Variants in FNDC3B observed in about 807,000 individuals in gnomAD.
FNDC3B encodes fibronectin type III domain containing 3B.
A neutral mutation model predicts 151.5 loss-of-function variants in FNDC3B; 12 were observed. That is an observed-to-expected ratio of 0.08 (90% CI 0.05 to 0.13). The LOEUF is 0.13. Ranked by LOEUF, FNDC3B falls within the 10% of genes least tolerant of loss-of-function variation. The pLI is 1.00. For missense variants in FNDC3B, 1,214 were observed against 1,505.3 expected (o/e 0.81, Z 3.20); for synonymous variants, 528 against 549.0 (o/e 0.96, Z 0.54).
intron 9 of FNDC3B, among the ~76,000 whole-genome samples, chr3:172,304,311 C>G (rs1731082874): frequency 6.6e-6 from 1 of 152,222 alleles, no homozygotes; most frequent in South Asian, 2.1e-4. Flanking sequence ...GCTCTATTAT[C>G]CAGATGGATT....
chr3:172,355,524 G>T (rs370389092), intron 22 of FNDC3B, among the ~76,000 whole-genome samples: 534 of 152,272 alleles, frequency 3.5e-3, no homozygotes, highest in African/African-American at 0.011. Context: ...CTAGGGGGGG[G>T]GCCTAGCACT....
At chr3:172,094,704 T>G (rs752052206) in intron 1 of FNDC3B, among the ~76,000 whole-genome samples, 1 of 151,864 alleles carries the variant, frequency 6.6e-6, no homozygotes, top group African/African-American at 2.4e-5. Flanking sequence ...CTGGAGAAAC[T>G]CTAACCTGAA....
chr3:172,126,787 G>A (rs931760229), intron 2 of FNDC3B, among the ~76,000 whole-genome samples: 3 of 152,170 alleles, frequency 2.0e-5, no homozygotes, highest in Admixed American at 6.5e-5. Flanking sequence ...GCCCTTAATA[G>A]GAAATTTCCA....
At chr3:172,061,331 C>T (rs763657900) in intron 1 of FNDC3B, among the ~76,000 whole-genome samples, 2 of 150,980 alleles carry the variant, frequency 1.3e-5, no homozygotes, top group African/African-American at 2.4e-5. Flanking sequence ...CTCCCGGGTT[C>T]GCACCATTCT....
chr3:172,364,443 G>A (rs1008453252), intron 23 of FNDC3B, among the ~76,000 whole-genome samples: 10 of 152,208 alleles, frequency 6.6e-5, no homozygotes, highest in Non-Finnish European at 2.9e-5. Context: ...GCTGAGTTGG[G>A]ATAAAGGCCA....
intron 3 of FNDC3B, among the ~76,000 whole-genome samples, chr3:172,189,149 T>G (rs1724367746): frequency 6.6e-6 from 1 of 152,238 alleles, no homozygotes; most frequent in Non-Finnish European, 1.5e-5. Context: ...GTCATAATAA[T>G]AGAATATTCA....
At chr3:172,240,508 T>G (rs1001134510) in intron 4 of FNDC3B, among the ~76,000 whole-genome samples, 1 of 152,202 alleles carries the variant, frequency 6.6e-6, no homozygotes, top group African/African-American at 2.4e-5. Context: ...AACTCAGGTA[T>G]CCTAATTCTC....
chr3:172,097,886 G>A (rs981505616), intron 1 of FNDC3B, among the ~76,000 whole-genome samples: 5 of 152,158 alleles, frequency 3.3e-5, no homozygotes, highest in Admixed American at 2.6e-4. Context: ...TCCTTGAGAT[G>A]TATGTATTAC....
At chr3:172,220,597 G>A (rs1726229731) in intron 3 of FNDC3B, among the ~76,000 whole-genome samples, 1 of 152,160 alleles carries the variant, frequency 6.6e-6, no homozygotes, top group East Asian at 1.9e-4. Flanking sequence ...GCAGTGTCAT[G>A]AAGATTTACT....
chr3:172,369,847 AT>A (rs1012642101), intron 23 of FNDC3B, among the ~76,000 whole-genome samples: 25 of 152,082 alleles, frequency 1.6e-4, no homozygotes, highest in African/African-American at 5.1e-4. Flanking sequence ...ATCCATTTCT[AT>A]TTTGAGCACC....
chr3:172,113,568 G>A (rs1021967092), intron 2 of FNDC3B, among the ~76,000 whole-genome samples: 2 of 152,154 alleles, frequency 1.3e-5, no homozygotes, highest in African/African-American at 4.8e-5. Flanking sequence ...CTCAGTAAAT[G>A]TTTGTTAGTT....
At chr3:172,073,418 GA>G (rs1717872696) in intron 1 of FNDC3B, among the ~76,000 whole-genome samples, 1 of 152,330 alleles carries the variant, frequency 6.6e-6, no homozygotes, top group South Asian at 2.1e-4. Flanking sequence ...GACAGCAGGT[GA>G]AACACACTTC....
chr3:172,334,982 C>T lies in FNDC3B; in HGVS notation c.1680C>T (p.Ser560=), dbSNP rs368349311. Residue 560 remains serine, a synonymous_variant, in exon 15 of 26, where the codon AGC becomes AGT. Transcript: ENST00000415807. The stretch of plus-strand genomic sequence containing the variant: ...ATACGGAAGGAAAAAGCTGTCCAAG[C>T]GAAGTTCTTGTTTGTACGACGAGTC... ...ASNTEGKSCP[S]EVLVCTTSPD... 3.0e-5 allele frequency: 48 copies of T among 1,613,606 alleles called. No homozygotes were observed. The highest frequency in any genetic ancestry group is 1.5e-4 in the African/African-American group (11 of 74,882).
At position 172,157,181 on chromosome 3, in the gene FNDC3B, C is replaced by G. The variant is rs543273390; in HGVS notation, c.187+23635C>G. On this transcript the variant is annotated intron_variant, in intron 3 of 25. Coordinates refer to ENST00000415807, the MANE Select transcript of FNDC3B (RefSeq NM_022763.4). ...TAAGCTGCCAGCAAATATTATTTTC[C>G]TTATTTTAAACATGAAGAAACAAAG... 7.2e-5 allele frequency among the ~76,000 whole-genome samples: 11 copies of G among 152,152 alleles called. No homozygotes were observed. In the East Asian group the frequency reaches 2.1e-3, roughly 29 times the overall value.
In FNDC3B at chr3:172,397,256, A is replaced by G; in HGVS notation, c.3396A>G (p.Leu1132=). Residue 1132 remains leucine, a synonymous_variant, in exon 26 of 26, where the codon TTA becomes TTG. Coordinates refer to ENST00000415807, the MANE Select transcript of FNDC3B (RefSeq NM_022763.4). ...RFRVCACRRC[L]DTSQELSGAF... is the part of the protein sequence containing the mutation. ...GCGTATGTGCGTGTCGTCGCTGTTTAGACACCTCTCAGGAGCTAAGCGGAG... is the reference window on the plus strand; with the variant it reads ...GCGTATGTGCGTGTCGTCGCTGTTTGGACACCTCTCAGGAGCTAAGCGGAG... The G allele has an allele frequency of 6.2e-7, 1 of 1,614,228 alleles. No homozygotes were observed. The highest frequency in any genetic ancestry group is 1.7e-5 in the Admixed American group (1 of 60,018).
At chr3:172,292,936 A>G (rs1448872142) in intron 7 of FNDC3B, among the ~76,000 whole-genome samples, 2 of 152,186 alleles carry the variant, frequency 1.3e-5, no homozygotes, top group African/African-American at 4.8e-5. Context: ...GCAGGGATGG[A>G]AAATAGGCAA....
chr3:172,150,114 G>A (rs554065119), intron 3 of FNDC3B, among the ~76,000 whole-genome samples: 1 of 152,226 alleles, frequency 6.6e-6, no homozygotes, highest in Non-Finnish European at 1.5e-5. Context: ...ACCACGCCCA[G>A]CCATGTCGGG....
intron 3 of FNDC3B, among the ~76,000 whole-genome samples, chr3:172,187,996 G>GTTTTT (rs35110477): frequency 2.2e-5 from 3 of 134,656 alleles, no homozygotes; most frequent in Non-Finnish European, 3.1e-5. Flanking sequence ...TATTTAAGCA[G>GTTTTT]TTTTTTTTTT....
chr3:172,328,833 A>G, intron 11 of FNDC3B, 119 bp from the exon 12 acceptor site: 1 of 764,002 alleles, frequency 1.3e-6, no homozygotes, highest in Non-Finnish European at 2.0e-6. Context: ...GTTTTTGTTC[A>G]TTCAAACTAG....
Sources: gnomAD v4.1 joint callset for allele counts (sites outside exome capture counted in the v4.1 genomes callset) on GRCh38, gnomAD v4.1.1 for gene constraint, MANE v1.5 for transcripts, NCBI Gene and HGNC (gene_info 2026-07-23, HGNC 2026-07-21) for gene names.